Variants in ZNF567 observed in about 807,000 individuals in gnomAD.
The protein encoded by ZNF567 is zinc finger protein 567.
In ZNF567, 36 loss-of-function variants were observed where a neutral mutation model predicts 53.9. The observed-to-expected ratio is 0.67, with a 90% confidence interval of 0.51 to 0.88. The LOEUF is 0.88. Ranked by LOEUF, ZNF567 falls within the 40% of genes least tolerant of loss-of-function variation. ZNF567 has a pLI of 0.00. For synonymous variants in ZNF567, 224 were observed against 260.4 expected, an observed-to-expected ratio of 0.86 and a Z score of 1.35; for missense variants, 619 against 764.7, an observed-to-expected ratio of 0.81 and a Z score of 2.25.
intron 5 of ZNF567, among the ~76,000 whole-genome samples, chr19:36,714,912 C>T (rs181502605): frequency 1.7e-4 from 26 of 152,214 alleles, no homozygotes; most frequent in East Asian, 5.8e-4. Flanking sequence ...ACTTAACACT[C>T]GGTCTTATTT....
At chr19:36,699,128 C>T (rs2039042971) in intron 3 of ZNF567, among the ~76,000 whole-genome samples, 1 of 152,072 alleles carries the variant, frequency 6.6e-6, no homozygotes, top group African/African-American at 2.4e-5. Flanking sequence ...CCAGTTTCAG[C>T]TTTCTACATA....
At chr19:36,715,630 A>G (rs1454386251) in intron 5 of ZNF567, among the ~76,000 whole-genome samples, 4 of 150,488 alleles carry the variant, frequency 2.7e-5, no homozygotes, top group Non-Finnish European at 4.4e-5. Flanking sequence ...CCCAGGTTCA[A>G]GCAATTCTTC....
chr19:36,709,850 A>G (rs2039686798), intron 3 of ZNF567, among the ~76,000 whole-genome samples: 1 of 152,194 alleles, frequency 6.6e-6, no homozygotes. Context: ...TTCATTTTGA[A>G]TATATAGTTT....
At chr19:36,713,638 A>G (rs563932161) in intron 5 of ZNF567, among the ~76,000 whole-genome samples, 1 of 151,300 alleles carries the variant, frequency 6.6e-6, no homozygotes, top group African/African-American at 2.4e-5. Flanking sequence ...CAGACTTTTA[A>G]ATATCACTCT....
At chr19:36,695,230 TAA>T (rs549687570) in intron 3 of ZNF567, among the ~76,000 whole-genome samples, 5 of 137,374 alleles carry the variant, frequency 3.6e-5, no homozygotes, top group Admixed American at 7.3e-5. Flanking sequence ...CACCAGAAAT[TAA>T]AAAAAAAAAA....
downstream of ZNF567, among the ~76,000 whole-genome samples, chr19:36,724,076 G>A (rs1344112045): frequency 7.0e-6 from 1 of 143,290 alleles, no homozygotes; most frequent in Non-Finnish European, 1.5e-5. Context: ...GTGCGATCTC[G>A]GCTCACCACA....
At chr19:36,696,633 T>TA (rs2038904763) in intron 3 of ZNF567, among the ~76,000 whole-genome samples, 1 of 152,176 alleles carries the variant, frequency 6.6e-6, no homozygotes, top group South Asian at 2.1e-4. Flanking sequence ...CTGTTCCTCT[T>TA]ACCACAGTTC....
chr19:36,669,124 T>G, the ZNF567 span: 2 of 152,200 alleles, frequency 1.3e-5, no homozygotes, highest in African/African-American at 4.8e-5. Flanking sequence ...TTCCATAGAT[T>G]ATATGCAAAT....
chr19:36,682,637 TCA>T (rs2038204442), upstream of ZNF567, among the ~76,000 whole-genome samples: 1 of 149,820 alleles, frequency 6.7e-6, no homozygotes, highest in South Asian at 2.1e-4. Context: ...AGACGGAGTC[TCA>T]CTCTGCCGCC....
At chr19:36,690,582 C>T (rs934437821) in intron 2 of ZNF567, among the ~76,000 whole-genome samples, 2 of 152,144 alleles carry the variant, frequency 1.3e-5, no homozygotes, top group Admixed American at 6.5e-5. Context: ...CAGAGTGAGA[C>T]TTTGTTTCAA....
At chr19:36,697,906 C>T (rs921018453) in intron 3 of ZNF567, among the ~76,000 whole-genome samples, 4 of 145,422 alleles carry the variant, frequency 2.8e-5, no homozygotes, top group Admixed American at 1.4e-4. Context: ...CCACCATGTC[C>T]GGCTGGAATT....
At chr19:36,697,918 C>CTTTTTTTTT (rs71171464) in intron 3 of ZNF567, among the ~76,000 whole-genome samples, 1 of 135,746 alleles carries the variant, frequency 7.4e-6, no homozygotes. Flanking sequence ...GCTGGAATTT[C>CTTTTTTTTT]TTTTTTTTTT....
intron 1 of ZNF567, among the ~76,000 whole-genome samples, chr19:36,688,460 A>AT (rs920350736): frequency 1.8e-3 from 266 of 146,160 alleles, no homozygotes; most frequent in Middle Eastern, 3.6e-3. Flanking sequence ...ATAAGTAGTG[A>AT]TTTTTTTTTT....
chr19:36,723,448 A>T, downstream of ZNF567: 1 of 552,402 alleles, frequency 1.8e-6, no homozygotes, highest in South Asian at 2.4e-5. Context: ...TTTATTTTCA[A>T]ACATACTACA....
At chr19:36,714,955 A>G (rs557600081) in intron 5 of ZNF567, among the ~76,000 whole-genome samples, 1 of 152,248 alleles carries the variant, frequency 6.6e-6, no homozygotes, top group African/African-American at 2.4e-5. Flanking sequence ...CTACCTTTCA[A>G]TTATAATGAT....
At chr19:36,702,741 T>C (rs1188727995) in intron 3 of ZNF567, among the ~76,000 whole-genome samples, 1 of 152,256 alleles carries the variant, frequency 6.6e-6, no homozygotes, top group Non-Finnish European at 1.5e-5. Context: ...TCTGCATTCT[T>C]CATGTAGTTC....
At chr19:36,690,865 T>C (rs1015619284) in intron 2 of ZNF567, among the ~76,000 whole-genome samples, 3 of 152,224 alleles carry the variant, frequency 2.0e-5, no homozygotes, top group African/African-American at 7.2e-5. Context: ...CTGCAATGTG[T>C]AACACTGAGC....
chr19:36,687,627 A>C lies in ZNF567; in HGVS notation c.-175A>C, dbSNP rs3108191. On this transcript the variant is annotated 5_prime_UTR_variant, in exon 1 of 6. Transcript: ENST00000682579. Reference sequence around the variant, plus strand: ...GCGCATGCGCAGACGCCCGGCCGGCAACCGAAGGTGAGGCTGGTGGGTCCC... The same window carrying C: ...GCGCATGCGCAGACGCCCGGCCGGCCACCGAAGGTGAGGCTGGTGGGTCCC... The C allele has an allele frequency of 0.63, 95,366 of 152,338 alleles. 29,981 individuals carry two copies. The highest frequency in any genetic ancestry group is 0.8 in the East Asian group (4,118 of 5,148). The allele number at this position is 152,338 out of a possible 1,614,324, so 9.4% of individuals were successfully genotyped here. A position where few individuals can be genotyped will look rare whatever the true frequency, so the allele number is the denominator to read the frequency against.
chr19:36,719,996 T>C lies in ZNF567; in HGVS notation c.1272T>C (p.Asn424=). Residue 424 remains asparagine, a synonymous_variant, in exon 6 of 6, where the codon AAT becomes AAC. Transcript: ENST00000682579. ...CAGGGGAAAAGCCCTATATTTGTAA[T>C]GAATGTGGGAAATCCTTCTCCCAGA... ...THTGEKPYIC[N]ECGKSFSQKT... The C allele has an allele frequency of 1.2e-6, 2 of 1,613,978 alleles. No individual in the cohort carries two copies. The highest frequency in any genetic ancestry group is 1.7e-6 in the Non-Finnish European group (2 of 1,179,996).
Sources: allele counts gnomAD v4.1 joint callset (sites outside exome capture counted in the v4.1 genomes callset), GRCh38; gene constraint gnomAD v4.1.1; transcripts MANE v1.5; gene names NCBI Gene and HGNC (gene_info 2026-07-23, HGNC 2026-07-21).